The following PPFIA1 variants were observed in gnomAD, a reference collection of about 807,000 sequenced individuals.
The protein encoded by PPFIA1 is liprin-alpha-1.
In PPFIA1, 25 loss-of-function variants were observed where a neutral mutation model predicts 149.9. The observed-to-expected ratio is 0.17, with a 90% CI of 0.12 to 0.23. The LOEUF is 0.23. PPFIA1 is among the 10% of genes least tolerant of loss of function. The probability of loss-of-function intolerance (pLI) is 1.00; values close to 1 mark genes in which losing one functional copy is unlikely to be tolerated. For synonymous variants in PPFIA1, 549 were observed against 552.8 expected (o/e 0.99, Z 0.10); for missense variants, 1,362 against 1,506.5 (o/e 0.90, Z 1.59).
In PPFIA1 at chr11:70,362,385, G is replaced by A. The variant is rs1375753525; in HGVS notation, c.2762G>A (p.Arg921His). Residue 921 changes from arginine to histidine, a missense_variant, in exon 21 of 28, where the codon CGT (arginine) becomes CAT (histidine). By Grantham distance (29) the Arg-to-His change is conservative. This residue lies in a region of PPFIA1 where 349 missense variants were observed against 373.3 expected (regional missense o/e 0.93). Transcript: ENST00000253925. ...MSALSDTEIQ[R>H]EIGISNPLHR... is the part of the protein sequence containing the mutation. Reference sequence around the variant, plus strand: ...GCCCTGTCCGACACAGAGATCCAGCGTGAGATTGGCATCAGCAACCCCCTG... The same window carrying A: ...GCCCTGTCCGACACAGAGATCCAGCATGAGATTGGCATCAGCAACCCCCTG... The A allele has an allele frequency of 1.9e-6, 3 of 1,614,178 alleles. No individual in the cohort carries two copies. Among genetic ancestry groups the A allele is most frequent in the Non-Finnish European group, 2.5e-6 (3 of 1,180,034 alleles).
chr11:70,307,131 A>G (rs2052905657), intron 2 of PPFIA1, among the ~76,000 whole-genome samples: 1 of 152,224 alleles, frequency 6.6e-6, no homozygotes, highest in Non-Finnish European at 1.5e-5. Context: ...GGAAACAAGC[A>G]TTTTATTATG....
At chr11:70,283,236 G>C (rs1011271433) in intron 2 of PPFIA1, among the ~76,000 whole-genome samples, 3 of 151,862 alleles carry the variant, frequency 2.0e-5, no homozygotes, top group Non-Finnish European at 4.4e-5. Context: ...TTCAAATGGA[G>C]ATTTTATTTT....
chr11:70,368,927 T>G (rs1489062100), intron 21 of PPFIA1, among the ~76,000 whole-genome samples: 1 of 151,906 alleles, frequency 6.6e-6, no homozygotes, highest in African/African-American at 2.4e-5. Flanking sequence ...CGTTTGTTCC[T>G]TATCTTAGGA....
chr11:70,333,220 G>T (rs896039685), intron 9 of PPFIA1: 1 of 569,638 alleles, frequency 1.8e-6, no homozygotes, highest in Middle Eastern at 4.1e-4. Context: ...ATAGGGGTTG[G>T]GGGGAAAACA....
intron 21 of PPFIA1, among the ~76,000 whole-genome samples, chr11:70,369,170 C>T (rs1349850985): frequency 6.6e-6 from 1 of 152,162 alleles, no homozygotes; most frequent in Non-Finnish European, 1.5e-5. Context: ...ACTTTTCTTA[C>T]ATTTCCGGAA....
intron 14 of PPFIA1, among the ~76,000 whole-genome samples, chr11:70,342,498 C>T (rs1202430947): frequency 6.6e-6 from 1 of 152,220 alleles, no homozygotes; most frequent in Non-Finnish European, 1.5e-5. Context: ...GACACGGCCA[C>T]TCAGCACTGA....
intron 7 of PPFIA1, among the ~76,000 whole-genome samples, chr11:70,328,106 T>G (rs1009800771): frequency 1.3e-5 from 2 of 152,222 alleles, no homozygotes; most frequent in Admixed American, 1.3e-4. Context: ...CTTTTAAGTT[T>G]GGGGTACACG....
At chr11:70,295,699 C>T (rs370599711) in intron 2 of PPFIA1, among the ~76,000 whole-genome samples, 1 of 147,050 alleles carries the variant, frequency 6.8e-6, no homozygotes, top group East Asian at 2.1e-4. Flanking sequence ...ACCCCCCCCA[C>T]CTCCCTCCCG....
chr11:70,339,512 T>C (rs193255170), intron 14 of PPFIA1, among the ~76,000 whole-genome samples: 41 of 152,246 alleles, frequency 2.7e-4, no homozygotes, highest in African/African-American at 9.4e-4. Flanking sequence ...TTTAAAGAGG[T>C]AGGGTCTGTG....
chr11:70,306,546 T>G (rs2052864932), intron 2 of PPFIA1, among the ~76,000 whole-genome samples: 1 of 152,208 alleles, frequency 6.6e-6, no homozygotes, highest in South Asian at 2.1e-4. Flanking sequence ...GGAAATTAGT[T>G]TACAGTAAAA....
At chr11:70,297,637 G>A (rs1336506146) in intron 2 of PPFIA1, among the ~76,000 whole-genome samples, 1 of 152,194 alleles carries the variant, frequency 6.6e-6, no homozygotes, top group Non-Finnish European at 1.5e-5. Context: ...CACTACCTGT[G>A]TGATCTGCAC....
At chr11:70,275,927 A>G (rs895238161) in intron 2 of PPFIA1, among the ~76,000 whole-genome samples, 3 of 152,194 alleles carry the variant, frequency 2.0e-5, no homozygotes, top group African/African-American at 7.2e-5. Context: ...TGGGATTACC[A>G]CTGTGAGCCA....
At position 70,372,221 on chromosome 11, in the gene PPFIA1, G is replaced by T; in HGVS notation, c.2872G>T (p.Ala958Ser). ...TTCCATTTATGAAAAGCAGACACTCGCCTATGGGGACATGAACCACGAGTG... is the reference window on the plus strand; with the variant it reads ...TTCCATTTATGAAAAGCAGACACTCTCCTATGGGGACATGAACCACGAGTG... ...SAPPTSRTTL[A>S]YGDMNHEWIG... is the part of the protein sequence containing the mutation. Residue 958 changes from alanine (A) to serine (S), a missense_variant, in exon 22 of 28, where the codon GCC (alanine) becomes TCC (serine). Coordinates refer to ENST00000253925, the MANE Select transcript of PPFIA1 (RefSeq NM_003626.5). The T allele has an allele frequency of 1.2e-6, 2 of 1,606,948 alleles. No homozygotes were observed. Among genetic ancestry groups the T allele is most frequent in the South Asian group, 2.2e-5 (2 of 89,388 alleles).
rs530047535 is a variant in PPFIA1, at chr11:70,355,801, A to G, written c.2478A>G (p.Ala826=). Residue 826 remains alanine, a synonymous_variant, in exon 18 of 28, where the codon GCA becomes GCG. Coordinates refer to ENST00000253925, the MANE Select transcript of PPFIA1 (RefSeq NM_003626.5). ...KGRPGQTGKE[A]LGQAGVSETD... is the part of the protein sequence containing the mutation. ...GACCTGGACAAACTGGCAAAGAAGC[A>G]TTAGGACAAGGTTGGTTGGTTTTCC... is the stretch of plus-strand genomic sequence containing the variant. The G allele has an allele frequency of 2.5e-6, 4 of 1,611,346 alleles. No homozygotes were observed. The African/African-American group carries it at 4.0e-5, about 16-fold the overall frequency.
intron 1 of PPFIA1, 172 bp downstream of exon 1, chr11:70,271,086 A>G (rs1380032829): frequency 1.3e-5 from 2 of 150,546 alleles, no homozygotes; most frequent in Non-Finnish European, 3.0e-5. Context: ...CCGGCGGGAC[A>G]CCCGCGCCCC....
intron 16 of PPFIA1, chr11:70,349,822 T>C (rs1334293683): frequency 2.3e-6 from 1 of 443,406 alleles, no homozygotes; most frequent in Non-Finnish European, 4.5e-6. Flanking sequence ...TGTATGTATA[T>C]ATATTTTTTC....
At chr11:70,292,239 C>G (rs1385904989) in intron 2 of PPFIA1, among the ~76,000 whole-genome samples, 1 of 152,234 alleles carries the variant, frequency 6.6e-6, no homozygotes, top group Non-Finnish European at 1.5e-5. Context: ...CTGCCTAGGC[C>G]TCCCAAAGTG....
intron 10 of PPFIA1, among the ~76,000 whole-genome samples, chr11:70,335,341 T>C (rs1281703584): frequency 2.0e-5 from 3 of 152,170 alleles, no homozygotes; most frequent in African/African-American, 7.2e-5. Context: ...GCAGGAGCAG[T>C]GGGACCTTCT....
At chr11:70,330,768 C>G (rs778036786) in intron 8 of PPFIA1, among the ~76,000 whole-genome samples, 14 of 136,100 alleles carry the variant, frequency 1.0e-4, no homozygotes, top group African/African-American at 2.2e-4. Flanking sequence ...AACAGCCTGT[C>G]TCTACAGAAA....
Sources: allele counts gnomAD v4.1 joint callset (sites outside exome capture counted in the v4.1 genomes callset), GRCh38; gene constraint gnomAD v4.1.1; regional missense constraint gnomAD v4.1.1; transcripts MANE v1.5; gene names NCBI Gene and HGNC (gene_info 2026-07-23, HGNC 2026-07-21).